Variants in ARMH3 observed in about 807,000 individuals in gnomAD.
ARMH3 encodes the protein armadillo-like helical domain-containing protein 3.
Under a neutral mutation model 99.1 loss-of-function variants are expected in ARMH3, and 60 were observed. The observed-to-expected ratio is 0.61, with a 90% CI of 0.49 to 0.75. The LOEUF (loss-of-function observed/expected upper bound fraction) is 0.75, where lower values mean the gene tolerates loss of function less well. Ranked by LOEUF, ARMH3 falls within the 30% of genes least tolerant of loss-of-function variation. ARMH3 has a pLI of 0.00. For missense variants in ARMH3, 679 were observed against 843.1 expected (o/e 0.81, Z 2.41); for synonymous variants, 285 against 292.8 (o/e 0.97, Z 0.27).
chr10:101,962,970 C>CTTTT (rs11358645), intron 20 of ARMH3, among the ~76,000 whole-genome samples: 2 of 131,762 alleles, frequency 1.5e-5, no homozygotes, highest in Non-Finnish European at 3.2e-5. Context: ...GTCTTTTTTT[C>CTTTT]TTTTTTTTTT....
At chr10:101,899,335 T>C (rs149244580) in intron 23 of ARMH3, among the ~76,000 whole-genome samples, 2,308 of 152,336 alleles carry the variant, frequency 0.015, 26 homozygotes, top group Non-Finnish European at 0.023. Flanking sequence ...TAATTGCTTT[T>C]ACCTGGGAAA....
chr10:101,926,034 G>A (rs1483896542), intron 23 of ARMH3, among the ~76,000 whole-genome samples: 1 of 152,184 alleles, frequency 6.6e-6, no homozygotes, highest in African/African-American at 2.4e-5. Context: ...TATGCTTTGG[G>A]AAGGAGACTG....
chr10:101,986,087 G>A (rs1324057963), intron 19 of ARMH3, among the ~76,000 whole-genome samples: 2 of 151,916 alleles, frequency 1.3e-5, no homozygotes, highest in Non-Finnish European at 2.9e-5. Context: ...TGTATGTACT[G>A]GCAGAATGAC....
At chr10:101,983,583 A>T (rs1418118528) in intron 19 of ARMH3, among the ~76,000 whole-genome samples, 1 of 152,140 alleles carries the variant, frequency 6.6e-6, no homozygotes, top group Non-Finnish European at 1.5e-5. Flanking sequence ...TGCCTACATA[A>T]TGAAATCTCC....
At chr10:101,901,260 G>C (rs1265656258) in intron 23 of ARMH3, among the ~76,000 whole-genome samples, 11 of 149,120 alleles carry the variant, frequency 7.4e-5, no homozygotes, top group Non-Finnish European at 4.4e-5. Context: ...AGAGATGAGA[G>C]GGTGGGCCAT....
intron 24 of ARMH3, among the ~76,000 whole-genome samples, chr10:101,880,476 T>A (rs1051205154): frequency 1.4e-4 from 22 of 152,102 alleles, no homozygotes; most frequent in African/African-American, 5.3e-4. Context: ...CTTACAGTCT[T>A]CCTCAACAAC....
intron 19 of ARMH3, among the ~76,000 whole-genome samples, chr10:101,976,915 A>T (rs149246150): frequency 6.6e-6 from 1 of 152,176 alleles, no homozygotes; most frequent in East Asian, 1.9e-4. Flanking sequence ...GACCTCCCCA[A>T]GTTCTGGGAT....
At chr10:102,033,378 A>G in intron 2 of ARMH3, 39 bp from the exon 3 acceptor site, 1 of 1,593,444 alleles carries the variant, frequency 6.3e-7, no homozygotes, top group East Asian at 2.2e-5. Flanking sequence ...CTTCCCAGCT[A>G]ACACCAAAAG....
intron 24 of ARMH3, among the ~76,000 whole-genome samples, chr10:101,856,501 G>A (rs2066741377): frequency 6.6e-6 from 1 of 151,582 alleles, no homozygotes; most frequent in Non-Finnish European, 1.5e-5. Context: ...TTCCCAAAGA[G>A]ACTGTCATCA....
intron 20 of ARMH3, among the ~76,000 whole-genome samples, chr10:101,968,697 ATTC>A (rs1235937437): frequency 6.6e-6 from 1 of 152,152 alleles, no homozygotes; most frequent in African/African-American, 2.4e-5. Context: ...CCTGTTAGAG[ATTC>A]TTATCTTTTG....
At chr10:101,912,547 G>C (rs922592792) in intron 23 of ARMH3, among the ~76,000 whole-genome samples, 17 of 152,118 alleles carry the variant, frequency 1.1e-4, no homozygotes, top group African/African-American at 3.1e-4. Flanking sequence ...ACTCTGCTGA[G>C]CTCATTTATT....
chr10:101,898,705 T>C (rs1456954338), intron 23 of ARMH3, among the ~76,000 whole-genome samples: 4 of 152,112 alleles, frequency 2.6e-5, no homozygotes, highest in East Asian at 1.9e-4. Context: ...CACACACACA[T>C]ATATGTATGT....
intron 1 of ARMH3, among the ~76,000 whole-genome samples, chr10:102,045,129 CAAAAAAAA>C (rs574856341): frequency 2.5e-5 from 2 of 80,768 alleles, no homozygotes; most frequent in African/African-American, 9.0e-5. Context: ...GCCCTTGTCT[CAAAAAAAA>C]AAAAAAAAAA....
At chr10:102,054,261 C>T (rs767538149) in intron 1 of ARMH3, among the ~76,000 whole-genome samples, 1 of 151,892 alleles carries the variant, frequency 6.6e-6, no homozygotes, top group Non-Finnish European at 1.5e-5. Context: ...TGGTGGTGCG[C>T]GCCTGTAGTC....
chr10:102,041,400 A>G (rs1458076666), intron 1 of ARMH3, among the ~76,000 whole-genome samples: 1 of 152,018 alleles, frequency 6.6e-6, no homozygotes, highest in Non-Finnish European at 1.5e-5. Context: ...AGATAGGGAG[A>G]GGCCAGATTT....
intron 2 of ARMH3, among the ~76,000 whole-genome samples, chr10:102,038,815 C>G (rs1306724239): frequency 6.6e-6 from 1 of 151,918 alleles, no homozygotes; most frequent in Non-Finnish European, 1.5e-5. Context: ...TCACAGTTCA[C>G]TGCAGCCTTG....
chr10:102,023,175 G>A (rs1372445160), intron 8 of ARMH3, among the ~76,000 whole-genome samples: 5 of 117,056 alleles, frequency 4.3e-5, no homozygotes, highest in Non-Finnish European at 7.0e-5. Flanking sequence ...CAACAAGAGC[G>A]AAAATCCGTC....
At chr10:101,942,293 T>C (rs1174745303) in intron 22 of ARMH3, among the ~76,000 whole-genome samples, 1 of 152,218 alleles carries the variant, frequency 6.6e-6, no homozygotes, top group African/African-American at 2.4e-5. Flanking sequence ...GCTAGAAGGA[T>C]ATCATGATTA....
intron 19 of ARMH3, among the ~76,000 whole-genome samples, chr10:101,976,789 G>A (rs1846033094): frequency 6.6e-6 from 1 of 151,950 alleles, no homozygotes; most frequent in Admixed American, 6.6e-5. Flanking sequence ...CAGCCACCCT[G>A]TAGGCATGCA....
Sources: gnomAD v4.1 joint callset for allele counts (sites outside exome capture counted in the v4.1 genomes callset) on GRCh38, gnomAD v4.1.1 for gene constraint, MANE v1.5 for transcripts, NCBI Gene and HGNC (gene_info 2026-07-23, HGNC 2026-07-21) for gene names.